SNTG2: variants seen among roughly 807,000 people sequenced by gnomAD.
SNTG2 encodes gamma-2-syntrophin.
SNTG2 carries 74 observed loss-of-function variants against 70.9 expected under a neutral mutation model. The ratio of observed to expected loss-of-function variants is 1.04; its 90% CI spans 0.86 to 1.27. The LOEUF is 1.27. SNTG2 is among the 50% of genes most tolerant of loss of function. SNTG2 has a pLI of 0.00. For missense variants in SNTG2, 717 were observed against 690.7 expected (o/e 1.04, Z -0.43); for synonymous variants, 278 against 273.8 (o/e 1.02, Z -0.15).
intron 16 of SNTG2, among the ~76,000 whole-genome samples, chr2:1,347,533 C>T (rs1438916857): frequency 6.6e-6 from 1 of 152,236 alleles, no homozygotes; most frequent in Non-Finnish European, 1.5e-5. Flanking sequence ...CTCCCTGTTC[C>T]TCTCTGTCAC....
At position 1,075,570 on chromosome 2, in the gene SNTG2, A is replaced by G. The variant is rs988588129; in HGVS notation, c.73-7948A>G. Among the ~76,000 whole-genome samples, 6 of 151,836 alleles carry G rather than the reference A, an allele frequency of 4.0e-5. No homozygotes were observed. In the East Asian group the frequency reaches 5.8e-4, roughly 15 times the overall value. On this transcript the variant is annotated intron_variant, in intron 1 of 16. Coordinates refer to ENST00000308624, the MANE Select transcript of SNTG2 (RefSeq NM_018968.4). ...TCCAAGGGCAGCTGTCATTGTTTCTATGTAGATCTTAGTGGGACACTAACT... is the reference window on the plus strand; with the variant it reads ...TCCAAGGGCAGCTGTCATTGTTTCTGTGTAGATCTTAGTGGGACACTAACT...
chr2:1,210,264 A>C (rs1415473213), intron 9 of SNTG2, among the ~76,000 whole-genome samples: 1 of 152,216 alleles, frequency 6.6e-6, no homozygotes. Flanking sequence ...AAAGAGAGAC[A>C]AACCTAGTAA....
chr2:1,099,119 C>T (rs1311521723), intron 4 of SNTG2, among the ~76,000 whole-genome samples: 1 of 152,210 alleles, frequency 6.6e-6, no homozygotes, highest in African/African-American at 2.4e-5. Context: ...GAGGATTCTG[C>T]ATCCTTGTGG....
chr2:978,740 A>C (rs1318155159), intron 1 of SNTG2, among the ~76,000 whole-genome samples: 2 of 151,518 alleles, frequency 1.3e-5, no homozygotes, highest in Non-Finnish European at 2.9e-5. Flanking sequence ...TGTCTTATGC[A>C]CAAAAGGAGT....
In SNTG2 at chr2:1,297,650, T is replaced by C. The variant is rs942883496; in HGVS notation, c.1285-10844T>C. ...CCCAGCCTGGCGCATCCGCAGTTCC[T>C]TCCTGGCTCTTGTAGGTCGTTTTCC... On this transcript the variant is annotated intron_variant, in intron 14 of 16. Coordinates refer to ENST00000308624, the MANE Select transcript of SNTG2 (RefSeq NM_018968.4). Among the ~76,000 whole-genome samples, 48 of 152,202 alleles carry C rather than the reference T, an allele frequency of 3.2e-4. 2 individuals are homozygous for C.
chr2:1,103,391 AT>A (rs759853114), intron 4 of SNTG2: 2,218 of 231,634 alleles, frequency 9.6e-3, no homozygotes, highest in South Asian at 0.018. Flanking sequence ...TTTTTTTTTT[AT>A]TTTTTTTTTT....
At chr2:1,152,630 G>T (rs1402960562) in intron 6 of SNTG2, among the ~76,000 whole-genome samples, 1 of 152,198 alleles carries the variant, frequency 6.6e-6, no homozygotes, top group African/African-American at 2.4e-5. Flanking sequence ...ATGCATCTGT[G>T]TGTGTTTGTG....
rs1316969525 is a variant in SNTG2 at position 1,148,180 on chromosome 2, A to G, written c.411+10371A>G. On this transcript the variant is annotated intron_variant, in intron 6 of 16. Transcript: ENST00000308624. The stretch of plus-strand genomic sequence containing the variant: ...GGGTCAGATCAGTGAGAGCAGAAAC[A>G]TTGTGAGGCTCTGTCATTCCAAATG... Among the ~76,000 whole-genome samples the G allele has an allele frequency of 2.0e-5, 3 of 152,340 alleles. No homozygotes were observed. The East Asian group carries it at 5.8e-4, about 29-fold the overall frequency.
chr2:1,082,121 C>T (rs1333513011), intron 1 of SNTG2, among the ~76,000 whole-genome samples: 4 of 152,098 alleles, frequency 2.6e-5, no homozygotes, highest in Admixed American at 1.3e-4. Context: ...CTTCCCTCGG[C>T]GATGGTCTGT....
intron 1 of SNTG2, among the ~76,000 whole-genome samples, chr2:1,003,549 T>C (rs1029498094): frequency 1.3e-5 from 2 of 152,202 alleles, no homozygotes; most frequent in Non-Finnish European, 2.9e-5. Context: ...TATTGGAGTC[T>C]AGAGAGAGGC....
intron 4 of SNTG2, among the ~76,000 whole-genome samples, chr2:1,105,007 T>G (rs1666023678): frequency 6.6e-6 from 1 of 152,214 alleles, no homozygotes; most frequent in Non-Finnish European, 1.5e-5. Flanking sequence ...TTCATGGTAT[T>G]CCTTCATTTC....
At chr2:1,222,286 G>A (rs894001972) in intron 9 of SNTG2, among the ~76,000 whole-genome samples, 16 of 152,210 alleles carry the variant, frequency 1.1e-4, no homozygotes, top group Admixed American at 7.2e-4. Context: ...ATGAAAAGAT[G>A]CTGCAAAGTC....
chr2:1,055,578 T>G (rs1451331098), intron 1 of SNTG2, among the ~76,000 whole-genome samples: 1 of 151,916 alleles, frequency 6.6e-6, no homozygotes, highest in Non-Finnish European at 1.5e-5. Flanking sequence ...TTTGAGTCAG[T>G]GTGATGCCAG....
At chr2:1,139,826 CAAAAAAAAAAAAA>C (rs139384127) in intron 6 of SNTG2, among the ~76,000 whole-genome samples, 1 of 101,030 alleles carries the variant, frequency 9.9e-6, no homozygotes, top group Non-Finnish European at 2.0e-5. Context: ...GACTCCATCT[CAAAAAAAAAAAAA>C]AAAAAAAAAA....
chr2:1,287,427 G>C (rs1290560178), intron 14 of SNTG2, among the ~76,000 whole-genome samples: 1 of 152,182 alleles, frequency 6.6e-6, no homozygotes, highest in South Asian at 2.1e-4. Context: ...GTGCTGCTCT[G>C]ACTGGTTTCT....
intron 8 of SNTG2, among the ~76,000 whole-genome samples, chr2:1,177,844 C>T (rs1671586055): frequency 6.6e-6 from 1 of 152,082 alleles, no homozygotes; most frequent in Non-Finnish European, 1.5e-5. Flanking sequence ...ATGAAAACAA[C>T]ATTTAAATAA....
intron 1 of SNTG2, among the ~76,000 whole-genome samples, chr2:1,009,780 G>A (rs928696119): frequency 2.0e-5 from 3 of 152,196 alleles, no homozygotes; most frequent in Non-Finnish European, 2.9e-5. Context: ...GTGGAACCAC[G>A]TGAATTCTCT....
At chr2:961,755 G>C (rs1296738734) in intron 1 of SNTG2, among the ~76,000 whole-genome samples, 2 of 152,178 alleles carry the variant, frequency 1.3e-5, no homozygotes, top group Non-Finnish European at 2.9e-5. Context: ...TCTCCGTGCT[G>C]AACTGATCAT....
Position 1,209,132 on chromosome 2 carries a change from T to C in SNTG2, c.621T>C (p.Ala207=), listed in dbSNP as rs775202235. Residue 207 remains alanine, a synonymous_variant, in exon 9 of 17, where the codon GCT becomes GCC. Transcript: ENST00000308624. ...TAPSSPSSPI[A]KDPRYEKRWL... ...CATCGTCACCTTCCTCGCCCATAGC[T>C]AAGGACCCGAGGTATGAGAAGCGCT... 1.2e-6 allele frequency: 2 copies of C among 1,613,930 alleles called. No homozygotes were observed. Among genetic ancestry groups the C allele is most frequent in the Non-Finnish European group, 1.7e-6 (2 of 1,179,888 alleles).
Sources: allele counts gnomAD v4.1 joint callset (sites outside exome capture counted in the v4.1 genomes callset), GRCh38; gene constraint gnomAD v4.1.1; transcripts MANE v1.5; gene names NCBI Gene and HGNC (gene_info 2026-07-23, HGNC 2026-07-21).